Variants in CTNNA3 observed in about 807,000 individuals in gnomAD.
The protein encoded by CTNNA3 is catenin alpha 3.
In CTNNA3, 76 loss-of-function variants were observed where a neutral mutation model predicts 95.7. That is an observed-to-expected ratio of 0.79 (90% CI 0.66 to 0.96). The LOEUF (loss-of-function observed/expected upper bound fraction) is 0.96, where lower values mean the gene tolerates loss of function less well. CTNNA3 is among the 40% of genes least tolerant of loss of function. The pLI is 0.00. For missense variants in CTNNA3, 1,191 were observed against 1,089.8 expected (o/e 1.09, Z -1.31); for synonymous variants, 431 against 374.4 (o/e 1.15, Z -1.74).
At chr10:67,555,217 G>A (rs1397892869) in intron 3 of CTNNA3, among the ~76,000 whole-genome samples, 1 of 152,136 alleles carries the variant, frequency 6.6e-6, no homozygotes, top group Non-Finnish European at 1.5e-5. Flanking sequence ...TTTTGGCTTA[G>A]GATTGTCTTG....
chr10:67,564,521 A>T (rs999214653), intron 3 of CTNNA3, among the ~76,000 whole-genome samples: 1 of 141,498 alleles, frequency 7.1e-6, no homozygotes, highest in Admixed American at 7.0e-5. Flanking sequence ...GATGGATAGC[A>T]CTGGGAGATA....
At chr10:66,880,793 G>A (rs144883500) in intron 7 of CTNNA3, among the ~76,000 whole-genome samples, 20 of 152,154 alleles carry the variant, frequency 1.3e-4, no homozygotes, top group Non-Finnish European at 1.6e-4. Context: ...AATGGCAGCC[G>A]TTTGCATAAT....
At chr10:65,924,582 G>T (rs2077137206) in intron 17 of CTNNA3, among the ~76,000 whole-genome samples, 1 of 152,010 alleles carries the variant, frequency 6.6e-6, no homozygotes, top group Admixed American at 6.6e-5. Context: ...ATAATATTTG[G>T]CAATATTTAA....
intron 2 of CTNNA3, among the ~76,000 whole-genome samples, chr10:67,626,173 C>A (rs1388715975): frequency 1.6e-5 from 2 of 126,144 alleles, no homozygotes; most frequent in Non-Finnish European, 3.1e-5. Flanking sequence ...AGAGCAAAAC[C>A]CTGTCTCAAA....
intron 10 of CTNNA3, among the ~76,000 whole-genome samples, chr10:66,590,447 A>G (rs1176908568): frequency 6.6e-6 from 1 of 152,144 alleles, no homozygotes; most frequent in Admixed American, 6.5e-5. Context: ...AGTGAAATTC[A>G]GATTATCCTA....
rs1845999603 is a variant in CTNNA3, at chr10:66,654,175, T to C, written c.1282-32391A>G. ...ATTAACAGAGTGAAGAGACAACCTA[T>C]GGAATGGAAGAAAATATTGTAAACC... On this transcript the variant is annotated intron_variant, in intron 9 of 17. Transcript: ENST00000433211. 2.6e-5 allele frequency among the ~76,000 whole-genome samples: 4 copies of C among 151,940 alleles called. No homozygotes were observed. In the South Asian group the frequency reaches 8.3e-4, roughly 31 times the overall value.
intron 13 of CTNNA3, among the ~76,000 whole-genome samples, chr10:66,136,117 T>G (rs934139211): frequency 1.3e-5 from 2 of 152,142 alleles, no homozygotes; most frequent in Non-Finnish European, 2.9e-5. Flanking sequence ...TTAGCCAGGA[T>G]GGTCTCGATC....
chr10:67,508,917 C>G (rs1422919016), intron 5 of CTNNA3, among the ~76,000 whole-genome samples: 1 of 151,840 alleles, frequency 6.6e-6, no homozygotes, highest in Non-Finnish European at 1.5e-5. Flanking sequence ...GCTCTTGTAC[C>G]CCAGGCTGGA....
intron 17 of CTNNA3, among the ~76,000 whole-genome samples, chr10:65,958,409 C>T (rs539940601): frequency 1.1e-3 from 170 of 152,280 alleles, no homozygotes; most frequent in Middle Eastern, 6.8e-3. Context: ...AGTCATTCCC[C>T]GTCCAGCTTT....
chr10:66,319,652 C>A (rs558941627), intron 12 of CTNNA3, among the ~76,000 whole-genome samples: 30 of 152,204 alleles, frequency 2.0e-4, no homozygotes, highest in African/African-American at 6.5e-4. Context: ...ATGCCACCAA[C>A]CATACACCTA....
At chr10:66,621,807 G>T (rs1298584305) in intron 9 of CTNNA3, 23 bp from the exon 10 acceptor site, 12 of 1,467,422 alleles carry the variant, frequency 8.2e-6, no homozygotes, top group Non-Finnish European at 1.0e-5. Context: ...CCAAAATAAT[G>T]GAAATTATTT....
chr10:66,494,454 C>T (rs1417775780), intron 11 of CTNNA3, among the ~76,000 whole-genome samples: 1 of 152,088 alleles, frequency 6.6e-6, no homozygotes, highest in Non-Finnish European at 1.5e-5. Flanking sequence ...ATAAATTTCC[C>T]TTGTAGAAGC....
intron 12 of CTNNA3, among the ~76,000 whole-genome samples, chr10:66,335,132 A>C (rs976663265): frequency 7.9e-5 from 12 of 151,902 alleles, no homozygotes; most frequent in Admixed American, 7.9e-4. Flanking sequence ...GCCATTTGTC[A>C]AATTTTTTTT....
intron 11 of CTNNA3, among the ~76,000 whole-genome samples, chr10:66,515,345 C>CTCTCTCTATATATATA (rs558913767): frequency 2.1e-4 from 32 of 148,894 alleles, no homozygotes; most frequent in Non-Finnish European, 4.2e-4. Flanking sequence ...CTCTCTCTCT[C>CTCTCTCTATATATATA]TATATATATA....
rs76971679 is a variant in CTNNA3, at chr10:67,078,496, A to C, written c.1047+101821T>G. Reference sequence around the variant, plus strand: ...GTCAAGGCAATTATTATGATTTATAAATTTTTTTCTGATACCTTTTTTATT... The same window carrying C: ...GTCAAGGCAATTATTATGATTTATACATTTTTTTCTGATACCTTTTTTATT... On this transcript the variant is annotated intron_variant, in intron 7 of 17. Transcript: ENST00000433211. 9.3e-3 allele frequency among the ~76,000 whole-genome samples: 1,413 copies of C among 151,480 alleles called. 49 individuals are homozygous for C. In the East Asian group the frequency reaches 0.11, roughly 12 times the overall value.
intron 7 of CTNNA3, among the ~76,000 whole-genome samples, chr10:66,854,577 G>A (rs999120864): frequency 2.6e-5 from 4 of 151,922 alleles, no homozygotes; most frequent in African/African-American, 7.2e-5. Flanking sequence ...CTCCAACTGG[G>A]AAGATCCAGG....
intron 9 of CTNNA3, among the ~76,000 whole-genome samples, chr10:66,735,409 T>G (rs1849101891): frequency 6.6e-6 from 1 of 152,050 alleles, no homozygotes; most frequent in Admixed American, 6.5e-5. Context: ...AAGAATGTTT[T>G]TATTTTCTGG....
Position 67,564,058 on chromosome 10 carries a change from G to C in CTNNA3, c.293-24389C>G, listed in dbSNP as rs546358935. Among the ~76,000 whole-genome samples, 27 of 149,312 alleles carry C rather than the reference G, an allele frequency of 1.8e-4. 3 individuals are homozygous for C. The highest frequency in any genetic ancestry group is 3.2e-3 in the Middle Eastern group (1 of 316). ...ACACTGTTGGTGGGACTGTAAACTA[G>C]TTCAACCATTGTCGAAGACAGTGTG... is the stretch of plus-strand genomic sequence containing the variant. On this transcript the variant is annotated intron_variant, in intron 3 of 17. Transcript: ENST00000433211.
At chr10:66,195,420 G>A (rs1393367297) in intron 13 of CTNNA3, among the ~76,000 whole-genome samples, 1 of 152,080 alleles carries the variant, frequency 6.6e-6, no homozygotes, top group South Asian at 2.1e-4. Flanking sequence ...TGATATCATG[G>A]ATAATGTAAA....
Sources: allele counts gnomAD v4.1 joint callset (sites outside exome capture counted in the v4.1 genomes callset), GRCh38; gene constraint gnomAD v4.1.1; transcripts MANE v1.5; gene names NCBI Gene and HGNC (gene_info 2026-07-23, HGNC 2026-07-21).